The following KLF8 variants were observed in gnomAD, a reference collection of about 807,000 sequenced individuals.
KLF8 encodes the protein Krueppel-like factor 8.
KLF8 carries 10 observed loss-of-function variants against 18.2 expected under a neutral mutation model. That is an observed-to-expected ratio of 0.55 (90% CI 0.34 to 0.93). KLF8 has a LOEUF of 0.93. Ranked by LOEUF, KLF8 falls within the 40% of genes least tolerant of loss-of-function variation. KLF8 has a pLI of 0.02. For missense variants in KLF8, 264 were observed against 277.9 expected, an observed-to-expected ratio of 0.95 and a Z score of 0.36; for synonymous variants, 109 against 97.3, an observed-to-expected ratio of 1.12 and a Z score of -0.71.
At chrX:56,256,166 C>T (rs1349299414) in intron 2 of KLF8, among the ~76,000 whole-genome samples, 1 of 111,531 alleles carries the variant, frequency 9.0e-6, no homozygotes, top group Non-Finnish European at 1.9e-5. Context: ...AATTCATTGA[C>T]ATGTAATTGC....
the KLF8 span, among the ~76,000 whole-genome samples, chrX:56,195,860 C>T: frequency 9.0e-6 from 1 of 111,707 alleles, no homozygotes; most frequent in African/African-American, 3.2e-5. Flanking sequence ...CAAAAGAAAA[C>T]CCATCAGATT....
the KLF8 span, among the ~76,000 whole-genome samples, chrX:56,139,993 A>G: frequency 1.0e-3 from 112 of 112,369 alleles, no homozygotes; most frequent in African/African-American, 3.5e-3. Context: ...TCAAAAGAAG[A>G]CATATATGCA....
the KLF8 span, among the ~76,000 whole-genome samples, chrX:55,994,068 G>A: frequency 9.1e-6 from 1 of 109,298 alleles, no homozygotes; most frequent in Admixed American, 9.8e-5. Flanking sequence ...ATACCACCAT[G>A]TCCGGCGAAT....
chrX:56,080,881 C>G, the KLF8 span, among the ~76,000 whole-genome samples: 1 of 110,709 alleles, frequency 9.0e-6, no homozygotes, highest in Non-Finnish European at 1.9e-5. Context: ...CTTCCCTTCT[C>G]GCTTCATTTC....
At chrX:56,106,118 A>G in the KLF8 span, among the ~76,000 whole-genome samples, 2 of 110,929 alleles carry the variant, frequency 1.8e-5, no homozygotes, top group Admixed American at 9.6e-5. Flanking sequence ...CTTTTTGCAT[A>G]ACCTGACATT....
chrX:55,986,705 T>C, the KLF8 span, among the ~76,000 whole-genome samples: 1 of 112,009 alleles, frequency 8.9e-6, no homozygotes, highest in African/African-American at 3.2e-5. Context: ...TTTTTCAACT[T>C]TTATTTTAGG....
chrX:56,178,465 T>A, the KLF8 span, among the ~76,000 whole-genome samples: 3 of 112,377 alleles, frequency 2.7e-5, no homozygotes, highest in South Asian at 1.1e-3. Context: ...TTTGTTTTGC[T>A]GTGCAGAAAC....
At chrX:56,267,925 T>A (rs2066992295) in intron 3 of KLF8, 1 of 110,808 alleles carries the variant, frequency 9.0e-6, no homozygotes, top group Non-Finnish European at 1.9e-5. Context: ...TATAATTACG[T>A]ATCCTTTGAC....
At chrX:56,041,667 TTTGTTGTTGTTGTTG>T in the KLF8 span, among the ~76,000 whole-genome samples, 33 of 96,448 alleles carry the variant, frequency 3.4e-4, no homozygotes, top group East Asian at 6.3e-4. Flanking sequence ...TCTCTCTAGT[TTTGTTGTTGTTGTTG>T]TTGTTGTTGT....
the KLF8 span, among the ~76,000 whole-genome samples, chrX:56,057,574 C>T: frequency 2.7e-5 from 3 of 111,435 alleles, no homozygotes; most frequent in African/African-American, 9.8e-5. Context: ...AAACGTTTCA[C>T]CAGCACAGAA....
At chrX:55,949,855 T>C in the KLF8 span, among the ~76,000 whole-genome samples, 14 of 110,461 alleles carry the variant, frequency 1.3e-4, no homozygotes, top group African/African-American at 4.6e-4. Flanking sequence ...TGCAGGACTC[T>C]CCCGGGACAA....
the KLF8 span, among the ~76,000 whole-genome samples, chrX:56,147,891 T>C: frequency 1.8e-5 from 2 of 111,844 alleles, no homozygotes; most frequent in African/African-American, 6.5e-5. Flanking sequence ...GTCACAAGAA[T>C]TGCTTGAGCC....
the KLF8 span, among the ~76,000 whole-genome samples, chrX:56,068,472 T>A: frequency 9.0e-6 from 1 of 111,517 alleles, no homozygotes; most frequent in African/African-American, 3.3e-5. Context: ...TCCTGCTCAG[T>A]GGCCCTGATT....
At chrX:55,924,684 C>T in the KLF8 span, among the ~76,000 whole-genome samples, 1 of 110,520 alleles carries the variant, frequency 9.0e-6, no homozygotes, top group Middle Eastern at 4.7e-3. Context: ...TACTCAAATA[C>T]CTGGGGATTT....
rs1555930256 is a variant in KLF8, at chrX:56,253,764, C to CTTTCTTTT, written c.81+3463_81+3464insCTTTTTTT. Reference sequence around the variant, plus strand: ...GTACATAATGTCTTTTTTTCTTTTTCTTTTTTTTTTTTTTGAGATGTTGTC... The same window carrying CTTTCTTTT: ...GTACATAATGTCTTTTTTTCTTTTTCTTTCTTTTTTTTTTTTTTTTTTGAGATGTTGTC... On this transcript the variant is annotated intron_variant, in intron 2 of 5. Transcript: ENST00000468660. Among the ~76,000 whole-genome samples the CTTTCTTTT allele has an allele frequency of 3.2e-3, 190 of 60,104 alleles. 4 individuals are homozygous for CTTTCTTTT. Among genetic ancestry groups the CTTTCTTTT allele is most frequent in the Non-Finnish European group, 5.0e-3 (166 of 33,494 alleles). The allele number at this position is 60,104 out of a possible 115,157, so 52.2% of individuals were successfully genotyped here.
the KLF8 span, among the ~76,000 whole-genome samples, chrX:56,210,340 G>A: frequency 2.7e-5 from 3 of 111,451 alleles, no homozygotes; most frequent in East Asian, 8.5e-4. Flanking sequence ...TTTTTCTTTA[G>A]CACCTTAAAT....
At chrX:55,945,214 G>T in the KLF8 span, among the ~76,000 whole-genome samples, 4 of 111,030 alleles carry the variant, frequency 3.6e-5, no homozygotes, top group Admixed American at 3.9e-4. Flanking sequence ...TAAAATTTCT[G>T]TTCTTTTACA....
intron 1 of KLF8, among the ~76,000 whole-genome samples, chrX:56,237,374 A>G (rs939667980): frequency 1.8e-5 from 2 of 108,615 alleles, no homozygotes; most frequent in African/African-American, 3.4e-5. Flanking sequence ...CTGCAACCTT[A>G]TGAGGTAGTT....
chrX:56,080,782 A>G, the KLF8 span, among the ~76,000 whole-genome samples: 1 of 111,790 alleles, frequency 8.9e-6, no homozygotes, highest in Non-Finnish European at 1.9e-5. Context: ...ACTTTCAGGT[A>G]TGCCAGTCAG....
Sources: gnomAD v4.1 joint callset for allele counts (sites outside exome capture counted in the v4.1 genomes callset) on GRCh38, gnomAD v4.1.1 for gene constraint, MANE v1.5 for transcripts, NCBI Gene and HGNC (gene_info 2026-07-23, HGNC 2026-07-21) for gene names.